The following SLC44A5 variants were observed in gnomAD, a reference collection of about 807,000 sequenced individuals.
SLC44A5 encodes the protein choline transporter-like protein 5.
In SLC44A5, 57 loss-of-function variants were observed where a neutral mutation model predicts 101.8. The observed-to-expected ratio is 0.56, with a 90% CI of 0.45 to 0.70. The LOEUF (loss-of-function observed/expected upper bound fraction) is 0.70, where lower values mean the gene tolerates loss of function less well. SLC44A5 is among the 30% of genes least tolerant of loss of function. SLC44A5 has a pLI of 0.00. For synonymous variants in SLC44A5, 281 were observed against 290.9 expected, an observed-to-expected ratio of 0.97 and a Z score of 0.35; for missense variants, 737 against 853.1, an observed-to-expected ratio of 0.86 and a Z score of 1.70.
At chr1:75,709,584 A>T in the SLC44A5 span, among the ~76,000 whole-genome samples, 1 of 152,192 alleles carries the variant, frequency 6.6e-6, no homozygotes, top group East Asian at 1.9e-4. Flanking sequence ...GTTACGGAAA[A>T]GCATGTTTTG....
At chr1:75,456,711 A>G (rs906397200) in intron 2 of SLC44A5, among the ~76,000 whole-genome samples, 2 of 152,220 alleles carry the variant, frequency 1.3e-5, no homozygotes, top group Non-Finnish European at 2.9e-5. Flanking sequence ...CTAAAAGGAA[A>G]GTAGCATTAA....
chr1:75,242,844 A>T (rs1856128), intron 8 of SLC44A5, 42 bp downstream of exon 8: 404,818 of 1,526,970 alleles, frequency 0.27, 55,492 homozygotes, highest in Middle Eastern at 0.34. Context: ...ATTGAAAAAA[A>T]AAGTTAAATT....
the SLC44A5 span, among the ~76,000 whole-genome samples, chr1:75,721,830 C>G: frequency 6.6e-6 from 1 of 152,088 alleles, no homozygotes; most frequent in African/African-American, 2.4e-5. Context: ...TAAAAGAAGC[C>G]AAAGAAAGTT....
chr1:75,699,764 T>C, the SLC44A5 span, among the ~76,000 whole-genome samples: 24 of 152,134 alleles, frequency 1.6e-4, no homozygotes, highest in African/African-American at 5.3e-4. Context: ...GAAATCCATC[T>C]CACGTGCAGA....
chr1:75,357,178 T>C (rs1193805182), intron 3 of SLC44A5: 1 of 455,626 alleles, frequency 2.2e-6, no homozygotes, highest in African/African-American at 2.0e-5. Flanking sequence ...AAGAAAAGAA[T>C]TAACGTTATG....
the SLC44A5 span, among the ~76,000 whole-genome samples, chr1:75,642,691 G>A: frequency 1.3e-5 from 2 of 152,040 alleles, no homozygotes; most frequent in Non-Finnish European, 2.9e-5. Context: ...AAACAAGAAG[G>A]AGAAGTATGA....
intron 4 of SLC44A5, among the ~76,000 whole-genome samples, chr1:75,302,112 G>GT (rs10684140): frequency 0.17 from 10,095 of 60,392 alleles, 1,133 homozygotes; most frequent in Middle Eastern, 0.27. Flanking sequence ...TAGTTTTTTT[G>GT]TTTTTTTTTT....
intron 3 of SLC44A5, among the ~76,000 whole-genome samples, chr1:75,389,979 T>C (rs1392216445): frequency 2.6e-5 from 4 of 151,916 alleles, no homozygotes. Context: ...CCAACGACAA[T>C]GGTGACATTA....
At chr1:75,355,327 T>G (rs1275329866) in intron 3 of SLC44A5, among the ~76,000 whole-genome samples, 1 of 152,182 alleles carries the variant, frequency 6.6e-6, no homozygotes, top group East Asian at 1.9e-4. Context: ...TACAAAAAGT[T>G]TATATTCTAA....
chr1:75,596,863 G>A (rs1001821315), intron 1 of SLC44A5, among the ~76,000 whole-genome samples: 1 of 152,080 alleles, frequency 6.6e-6, no homozygotes, highest in African/African-American at 2.4e-5. Flanking sequence ...GACAAAAGCT[G>A]GAAGCATTCT....
At chr1:75,327,563 A>T (rs1408108429) in intron 4 of SLC44A5, among the ~76,000 whole-genome samples, 3 of 152,160 alleles carry the variant, frequency 2.0e-5, no homozygotes, top group Non-Finnish European at 4.4e-5. Context: ...ATCATGCTGG[A>T]GTGATGGCTT....
At position 75,492,165 on chromosome 1, in the gene SLC44A5, C is replaced by G. The variant is rs141518239; in HGVS notation, c.13+49270G>C. Among the ~76,000 whole-genome samples, 287 of 152,244 alleles carry G rather than the reference C, an allele frequency of 1.9e-3. 1 individual carries two copies. Among genetic ancestry groups the G allele is most frequent in the African/African-American group, 6.4e-3 (265 of 41,542 alleles). On this transcript the variant is annotated intron_variant, in intron 2 of 23. Coordinates refer to ENST00000370859, the MANE Select transcript of SLC44A5 (RefSeq NM_001130058.2). The stretch of plus-strand genomic sequence containing the variant: ...GCCTTATCCCTGAAGTATCACATTT[C>G]AAAACATGATGAGGAGGTTGGTATG...
the SLC44A5 span, among the ~76,000 whole-genome samples, chr1:75,644,228 T>C: frequency 6.6e-6 from 1 of 152,166 alleles, no homozygotes; most frequent in African/African-American, 2.4e-5. Flanking sequence ...GTTTTATGTA[T>C]TAATAAGGCA....
chr1:75,479,515 A>C (rs1667680647), intron 2 of SLC44A5, among the ~76,000 whole-genome samples: 1 of 152,198 alleles, frequency 6.6e-6, no homozygotes. Flanking sequence ...AAGACTAATG[A>C]AGAAGAAAAG....
At chr1:75,351,161 A>G (rs1375301564) in intron 3 of SLC44A5, among the ~76,000 whole-genome samples, 1 of 151,968 alleles carries the variant, frequency 6.6e-6, no homozygotes, top group African/African-American at 2.4e-5. Context: ...AACTAGGAAG[A>G]TGTAACAATT....
intron 4 of SLC44A5, among the ~76,000 whole-genome samples, chr1:75,318,807 A>T (rs1325189250): frequency 2.0e-5 from 3 of 152,146 alleles, no homozygotes; most frequent in African/African-American, 7.2e-5. Flanking sequence ...TACTTTTGGC[A>T]GCTGTCTTCT....
chr1:75,262,607 T>C (rs1313223803), intron 6 of SLC44A5, among the ~76,000 whole-genome samples: 3 of 152,224 alleles, frequency 2.0e-5, no homozygotes, highest in Non-Finnish European at 4.4e-5. Flanking sequence ...CCACTGACTT[T>C]CTTCATAGAA....
chr1:75,640,473 T>C, the SLC44A5 span, among the ~76,000 whole-genome samples: 2 of 152,104 alleles, frequency 1.3e-5, no homozygotes, highest in Non-Finnish European at 2.9e-5. Context: ...CACAAGCATA[T>C]GGAGACAGAG....
chr1:75,387,183 C>T (rs371055549), intron 3 of SLC44A5, among the ~76,000 whole-genome samples: 67 of 152,230 alleles, frequency 4.4e-4, no homozygotes, highest in African/African-American at 1.3e-3. Flanking sequence ...CCAAAAGCAA[C>T]GGCAACAAAA....
Sources: gnomAD v4.1 joint callset for allele counts (sites outside exome capture counted in the v4.1 genomes callset) on GRCh38, gnomAD v4.1.1 for gene constraint, MANE v1.5 for transcripts, NCBI Gene and HGNC (gene_info 2026-07-23, HGNC 2026-07-21) for gene names.